Variants in IFIT3 observed in about 807,000 individuals in gnomAD.
IFIT3 encodes interferon-induced protein with tetratricopeptide repeats 3.
IFIT3 carries 2 observed loss-of-function variants against 2.4 expected under a neutral mutation model. The ratio of observed to expected loss-of-function variants is 0.82; its 90% confidence interval spans 0.34 to 2.60. The LOEUF (loss-of-function observed/expected upper bound fraction) is 2.60, where lower values mean the gene tolerates loss of function less well. IFIT3 is among the 30% of genes most tolerant of loss of function. IFIT3 has a pLI of 0.11. For missense variants in IFIT3, 481 were observed against 562.4 expected (o/e 0.86, Z 1.46); for synonymous variants, 203 against 212.1 (o/e 0.96, Z 0.37).
intron 1 of IFIT3, among the ~76,000 whole-genome samples, chr10:89,337,535 G>C (rs1379078065): frequency 6.6e-6 from 1 of 152,278 alleles, no homozygotes; most frequent in South Asian, 2.1e-4. Context: ...GAATGGCGAG[G>C]ACTACAGGCA....
intron 1 of IFIT3, among the ~76,000 whole-genome samples, chr10:89,334,107 C>T (rs959167611): frequency 6.6e-6 from 1 of 152,170 alleles, no homozygotes; most frequent in African/African-American, 2.4e-5. Context: ...CCCACTCTTA[C>T]CACTTCAAGA....
intron 1 of IFIT3, chr10:89,332,467 G>A: frequency 6.6e-7 from 1 of 1,505,484 alleles, no homozygotes; most frequent in Non-Finnish European, 8.9e-7. Flanking sequence ...ATCTTGATAG[G>A]GTTCCATCAG....
At chr10:89,332,400 C>G in intron 1 of IFIT3, 1 of 1,088,190 alleles carries the variant, frequency 9.2e-7, no homozygotes, top group South Asian at 2.2e-5. Flanking sequence ...GGAACATGTT[C>G]CTGGCGTGAG....
intron 1 of IFIT3, among the ~76,000 whole-genome samples, chr10:89,332,963 TG>T (rs1191372789): frequency 2.0e-5 from 3 of 152,228 alleles, no homozygotes; most frequent in African/African-American, 7.2e-5. Context: ...GTTCGTCTTT[TG>T]TTTCTTATAT....
chr10:89,339,318 T>G lies in IFIT3; in HGVS notation c.663T>G (p.Asn221Lys). The stretch of plus-strand genomic sequence containing the variant: ...TGGGCCTGAAACTGCAGAAGATGAA[T>G]AAAGAAGCTGAAGGAGAGCAGTTTG... ...VLLGLKLQKM[N>K]KEAEGEQFVE... The change falls in exon 2 of 2, where the codon AAT becomes AAG. Residue 221 changes from asparagine to lysine, a missense_variant. Physicochemically the swap from Asn to Lys is moderately conservative, Grantham distance 94. Transcript: ENST00000371818. 6.2e-7 allele frequency: 1 copy of G among 1,613,684 alleles called. No individual in the cohort carries two copies. Among genetic ancestry groups the G allele is most frequent in the Non-Finnish European group, 8.5e-7 (1 of 1,179,874 alleles).
chr10:89,332,760 T>C (rs1223624242), intron 1 of IFIT3: 5 of 949,358 alleles, frequency 5.3e-6, no homozygotes, highest in Non-Finnish European at 8.3e-6. Context: ...CCTTACCAAT[T>C]CATGCATTTT....
rs1141862 is a variant in IFIT3, at chr10:89,340,501, T to A, written c.*373T>A. ...TGAACCTGGAAGGAAGAGGTTGCAG[T>A]GAGCCAAGATTGCGCCCCTGCACTC... On this transcript the variant is annotated 3_prime_UTR_variant, in exon 2 of 2. Transcript: ENST00000371818. 0.28 allele frequency: 39,653 copies of A among 141,584 alleles called. 5,839 individuals carry two copies. The highest frequency in any genetic ancestry group is 0.62 in the East Asian group (3,109 of 4,988). The allele number at this position is 141,584 out of a possible 1,614,324, so 8.8% of individuals were successfully genotyped here.
At chr10:89,337,964 A>G (rs910889058) in intron 1 of IFIT3, among the ~76,000 whole-genome samples, 1 of 152,234 alleles carries the variant, frequency 6.6e-6, no homozygotes, top group Non-Finnish European at 1.5e-5. Flanking sequence ...TGAGATACTC[A>G]ACACTTTAGT....
At chr10:89,336,132 GGAA>G (rs1843735219) in intron 1 of IFIT3, among the ~76,000 whole-genome samples, 1 of 140,712 alleles carries the variant, frequency 7.1e-6, no homozygotes, top group Admixed American at 7.1e-5. Context: ...AAGGAAGGGA[GGAA>G]AGAAGGAAAA....
At chr10:89,337,063 T>C (rs1843753718) in intron 1 of IFIT3, among the ~76,000 whole-genome samples, 1 of 152,240 alleles carries the variant, frequency 6.6e-6, no homozygotes, top group Admixed American at 6.5e-5. Context: ...TCTGGGAATC[T>C]GGCCTGTGTG....
At position 89,338,643 on chromosome 10, in the gene IFIT3, T is replaced by A; in HGVS notation, c.6-18T>A. 6.2e-7 allele frequency: 1 copy of A among 1,600,032 alleles called. No homozygotes were observed. Among genetic ancestry groups the A allele is most frequent in the Admixed American group, 1.7e-5 (1 of 59,226 alleles). On this transcript the variant is annotated intron_variant, in intron 1 of 1. Coordinates refer to ENST00000371818, the MANE Select transcript of IFIT3 (RefSeq NM_001549.6). ...TTGGCAGTGTACATCACAGTGACCA[T>A]GTTTATTTTCTCCACAGTGAGGTCA... is the stretch of plus-strand genomic sequence containing the variant.
chr10:89,334,339 G>C (rs896381771), intron 1 of IFIT3, among the ~76,000 whole-genome samples: 9 of 151,838 alleles, frequency 5.9e-5, no homozygotes, highest in Non-Finnish European at 1.3e-4. Context: ...CGAGGTCATG[G>C]GAAATCTCTT....
Position 89,338,753 on chromosome 10 carries a change from A to T in IFIT3, c.98A>T (p.Asp33Val). The change falls in exon 2 of 2, where the codon GAT (aspartate) becomes GTT (valine). Residue 33 changes from aspartate to valine, a missense_variant. Physicochemically the swap from Asp to Val is radical, Grantham distance 152. Coordinates refer to ENST00000371818, the MANE Select transcript of IFIT3 (RefSeq NM_001549.6). Reference sequence around the variant, plus strand: ...TTCAAGGAAGACAGTGTCTCAAGGGATCTAGAAGATAGAGTGTGTAACCAG... The same window carrying T: ...TTCAAGGAAGACAGTGTCTCAAGGGTTCTAGAAGATAGAGTGTGTAACCAG... ...NLFKEDSVSRDLEDRVCNQIE... is the reference protein window; with the variant it reads ...NLFKEDSVSRVLEDRVCNQIE... 7 of 1,614,010 alleles carry T rather than the reference A, an allele frequency of 4.3e-6. No individual in the cohort carries two copies. Among genetic ancestry groups the T allele is most frequent in the Non-Finnish European group, 5.9e-6 (7 of 1,179,888 alleles).
intron 1 of IFIT3, among the ~76,000 whole-genome samples, chr10:89,329,091 G>A (rs939909737): frequency 6.6e-6 from 1 of 152,122 alleles, no homozygotes; most frequent in Non-Finnish European, 1.5e-5. Flanking sequence ...AAGAGAAAAG[G>A]ATGCCTTTCC....
At chr10:89,331,311 A>G (rs1321310048) in intron 1 of IFIT3, among the ~76,000 whole-genome samples, 2 of 152,064 alleles carry the variant, frequency 1.3e-5, no homozygotes, top group East Asian at 1.9e-4. Context: ...AGCTGGGACT[A>G]TAGGAGCACG....
chr10:89,337,068 T>C (rs1383888804), intron 1 of IFIT3, among the ~76,000 whole-genome samples: 1 of 152,212 alleles, frequency 6.6e-6, no homozygotes, highest in East Asian at 1.9e-4. Flanking sequence ...GAATCTGGCC[T>C]GTGTGGTGGG....
chr10:89,328,121 C>G, intron 1 of IFIT3, 43 bp downstream of exon 1: 1 of 1,601,268 alleles, frequency 6.2e-7, no homozygotes, highest in Non-Finnish European at 8.6e-7. Flanking sequence ...TTTTTGAGTG[C>G]AAATTGTAAG....
In IFIT3 at chr10:89,339,480, C is replaced by G; in HGVS notation, c.825C>G (p.Gly275=). The change falls in exon 2 of 2, where the codon GGC becomes GGG. Residue 275 remains glycine (G), a synonymous_variant. Transcript: ENST00000371818. ...TGTTGGAATCCACACCAAACAATGG[C>G]TACCTCTATCACCAGATTGGGTGCT... is the stretch of plus-strand genomic sequence containing the variant. ...QRVLESTPNN[G]YLYHQIGCCY... 1 of 1,614,056 alleles carries G rather than the reference C, an allele frequency of 6.2e-7. No individual in the cohort carries two copies. Among genetic ancestry groups the G allele is most frequent in the Non-Finnish European group, 8.5e-7 (1 of 1,179,934 alleles).
At chr10:89,332,680 C>T (rs1843668055) in intron 1 of IFIT3, 1 of 1,550,636 alleles carries the variant, frequency 6.4e-7, no homozygotes, top group Non-Finnish European at 8.9e-7. Flanking sequence ...TGTACAACTT[C>T]CTGACTTATG....
Sources: allele counts gnomAD v4.1 joint callset (sites outside exome capture counted in the v4.1 genomes callset), GRCh38; gene constraint gnomAD v4.1.1; transcripts MANE v1.5; gene names NCBI Gene and HGNC (gene_info 2026-07-23, HGNC 2026-07-21).